GBGT1: variants seen among roughly 807,000 people sequenced by gnomAD.
The protein encoded by GBGT1 is globoside alpha-1,3-N-acetylgalactosaminyltransferase 1 (FORS blood group).
GBGT1 carries 18 observed loss-of-function variants against 20.9 expected under a neutral mutation model. The observed-to-expected ratio is 0.86, with a 90% CI of 0.60 to 1.28. The LOEUF is 1.28. GBGT1 is among the 50% of genes most tolerant of loss of function. The pLI is 0.00. For synonymous variants in GBGT1, 168 were observed against 180.8 expected, an observed-to-expected ratio of 0.93 and a Z score of 0.57; for missense variants, 432 against 455.7, an observed-to-expected ratio of 0.95 and a Z score of 0.47.
At chr9:133,158,966 T>C (rs1832954349) in intron 3 of GBGT1, among the ~76,000 whole-genome samples, 1 of 152,140 alleles carries the variant, frequency 6.6e-6, no homozygotes, top group South Asian at 2.1e-4. Context: ...ACTTTTTTTT[T>C]TCTTTTTTTA....
At position 133,154,162 on chromosome 9, in the gene GBGT1, G is replaced by T; in HGVS notation, c.459C>A (p.Ala153=). ...HYYIFTDNPA[A]VPGVPLGPHR... is the part of the protein sequence containing the mutation. ...GGGGACCCAGCGGGACCCCGGGAAC[G>T]GCTGCAGGGTTGTCAGTGAAGATGT... Residue 153 remains alanine, a synonymous_variant, in exon 7 of 7, where the codon GCC becomes GCA. Coordinates refer to ENST00000372040, the MANE Select transcript of GBGT1 (RefSeq NM_021996.6). This position sits in a 1 kb window ranked among gnomAD's most constrained non-coding sequence, Gnocchi z 4.2. 6.3e-7 allele frequency: 1 copy of T among 1,595,030 alleles called. No homozygotes were observed. The highest frequency in any genetic ancestry group is 8.6e-7 in the Non-Finnish European group (1 of 1,165,758).
In GBGT1 at chr9:133,161,534, T is replaced by G; in HGVS notation, c.72-2A>C. On this transcript the variant is annotated splice_acceptor_variant, in intron 2 of 6. Transcript: ENST00000372040. LOFTEE classifies it high-confidence loss of function. Reference sequence around the variant, plus strand: ...GGCAGCCAGTTCTCAAGATACACCCTGTGAATAAAAAAAAGAAAAAAAATC... The same window carrying G: ...GGCAGCCAGTTCTCAAGATACACCCGGTGAATAAAAAAAAGAAAAAAAATC... The G allele has an allele frequency of 6.2e-7, 1 of 1,600,892 alleles. No homozygotes were observed. The highest frequency in any genetic ancestry group is 8.5e-7 in the Non-Finnish European group (1 of 1,173,504).
In GBGT1 at chr9:133,161,384, A is replaced by T. The variant is rs1352527581; in HGVS notation, c.137+83T>A. On this transcript the variant is annotated intron_variant, in intron 3 of 6. Transcript: ENST00000372040. ...CTTAGGAATCAGGAACCGGCAGATG[A>T]AGTGAACTTAAATACTCTCCTGTCT... 4.1e-6 allele frequency: 3 copies of T among 736,854 alleles called. No homozygotes were observed. In the African/African-American group the frequency reaches 5.3e-5, roughly 13 times the overall value. The allele number at this position is 736,854 out of a possible 1,614,324, so 45.6% of individuals were successfully genotyped here.
In GBGT1 at chr9:133,155,205, A is replaced by G. The variant is rs138467094; in HGVS notation, c.332T>C (p.Ile111Thr). 802 of 1,613,748 alleles carry G rather than the reference A, an allele frequency of 5.0e-4. No individual in the cohort carries two copies. The highest frequency in any genetic ancestry group is 6.1e-4 in the Non-Finnish European group (719 of 1,179,838). ...QHIYQPLNLT[I>T]GVTVFAVGKY... ...CCCCACGGCAAACACCGTGACCCCA[A>G]TGGTCAGGTTCAGTGGCTGGTAGAT... Residue 111 changes from isoleucine to threonine, a missense_variant, in exon 6 of 7, where the codon ATT becomes ACT. By Grantham distance (89) the Ile-to-Thr change is moderately conservative. Transcript: ENST00000372040.
rs994781044 is a variant in GBGT1 at position 133,155,724 on chromosome 9, G to T, written c.224+177C>A. Among the ~76,000 whole-genome samples the T allele has an allele frequency of 2.0e-5, 3 of 152,218 alleles. No individual in the cohort carries two copies. In the South Asian group the frequency reaches 6.2e-4, roughly 32 times the overall value. On this transcript the variant is annotated intron_variant, in intron 5 of 6. Transcript: ENST00000372040. ...GAAAAAGCTCAGAGCAGTTGGGTAC[G>T]CTGCCCAGGGTCACACAGCCCAGGT...
At position 133,155,143 on chromosome 9, in the gene GBGT1, G is replaced by A. The variant is rs1021336894; in HGVS notation, c.359+35C>T. On this transcript the variant is annotated intron_variant, in intron 6 of 6. Transcript: ENST00000372040. ...CAACTATAAACTCCTGTGGCTCAGG[G>A]AGACCTCCCTCCCCTTCCCCAGCCC... 1.9e-6 allele frequency: 3 copies of A among 1,598,402 alleles called. No homozygotes were observed. In the South Asian group the frequency reaches 3.3e-5, roughly 18 times the overall value.
In GBGT1 at chr9:133,155,908, C is replaced by G. The variant is rs774404360; in HGVS notation, c.217G>C (p.Glu73Gln). ...WSQYPQPKLL[E>Q]HRPTQLLTLT... ...CCTCTCCATGACACCTACCTGTGCT[C>G]CAGCAGCTTGGGCTGAGGGTACTGT... The change falls in exon 5 of 7, where the codon GAG (glutamate) becomes CAG (glutamine). Residue 73 changes from glutamate to glutamine, a missense_variant. By Grantham distance (29) the Glu-to-Gln change is conservative. Transcript: ENST00000372040. The G allele has an allele frequency of 6.2e-6, 10 of 1,614,036 alleles. No homozygotes were observed. The highest frequency in any genetic ancestry group is 1.6e-4 in the Middle Eastern group (1 of 6,084).
rs772027876 is a variant in GBGT1, at chr9:133,153,948, C to A, written c.673G>T (p.Ala225Ser). ...GCGTAGTAGCTTGGGTGAATGGCAG[C>A]CACCAGGTCTCCCAAGGTCTCAGGG... ...WGPETLGDLV[A>S]AIHPSYYAVP... is the part of the protein sequence containing the mutation. Residue 225 changes from alanine to serine, a missense_variant, in exon 7 of 7, where the codon GCT becomes TCT. Coordinates refer to ENST00000372040, the MANE Select transcript of GBGT1 (RefSeq NM_021996.6). 1 of 1,610,762 alleles carries A rather than the reference C, an allele frequency of 6.2e-7. No homozygotes were observed. Among genetic ancestry groups the A allele is most frequent in the African/African-American group, 1.3e-5 (1 of 74,880 alleles).
chr9:133,158,750 T>C (rs1832947898), intron 3 of GBGT1, among the ~76,000 whole-genome samples: 2 of 152,182 alleles, frequency 1.3e-5, no homozygotes, highest in East Asian at 1.9e-4. Flanking sequence ...TACATTCACA[T>C]TGTCATGCAA....
intron 3 of GBGT1, 132 bp from the exon 4 acceptor site, chr9:133,156,197 C>T (rs1832865144): frequency 1.1e-6 from 1 of 894,492 alleles, no homozygotes; most frequent in Non-Finnish European, 1.8e-6. Flanking sequence ...CTGACCTTCC[C>T]CCACAGCCCC....
chr9:133,155,377 C>T, intron 5 of GBGT1, 65 bp from the exon 6 acceptor site: 2 of 1,596,992 alleles, frequency 1.3e-6, no homozygotes, highest in Non-Finnish European at 1.7e-6. Context: ...TCATCCCAGC[C>T]CTGGCTCTCA....
rs1832788715 is a variant in GBGT1 at position 133,153,916 on chromosome 9, G to C, written c.705C>G (p.Pro235=). The C allele has an allele frequency of 6.2e-7, 1 of 1,605,476 alleles. No individual in the cohort carries two copies. Among genetic ancestry groups the C allele is most frequent in the Non-Finnish European group, 8.5e-7 (1 of 1,173,090 alleles). Residue 235 remains proline (P), a synonymous_variant, in exon 7 of 7, where the codon CCC becomes CCG. Coordinates refer to ENST00000372040, the MANE Select transcript of GBGT1 (RefSeq NM_021996.6). ...AAIHPSYYAV[P]RQQFPYERRR... ...TGCGCTCATAGGGGAACTGCTGGCG[G>C]GGAACGGCGTAGTAGCTTGGGTGAA...
At position 133,155,107 on chromosome 9, in the gene GBGT1, T is replaced by C; in HGVS notation, c.359+71A>G. On this transcript the variant is annotated intron_variant, in intron 6 of 6. Transcript: ENST00000372040. ...CAGGGTCCTGTGTGCACGTCTGGTC[T>C]GGTCTCTTCCCAACTATAAACTCCT... 2.1e-6 allele frequency: 3 copies of C among 1,427,836 alleles called. No homozygotes were observed. The South Asian group carries it at 3.6e-5, about 17-fold the overall frequency. 88.4% of individuals were successfully genotyped at this position (1,427,836 alleles called of 1,614,324 possible). A position where few individuals can be genotyped will look rare whatever the true frequency, so the allele number is the denominator to read the frequency against.
At chr9:133,155,961 G>A (rs1310160480) in intron 4 of GBGT1, 25 bp from the exon 5 acceptor site, 1 of 1,614,036 alleles carries the variant, frequency 6.2e-7, no homozygotes, top group Non-Finnish European at 8.5e-7. Flanking sequence ...GACCAGTGAT[G>A]GAGGAGAGCC....
chr9:133,163,060 C>CT (rs1391893078), intron 1 of GBGT1: 2 of 153,230 alleles, frequency 1.3e-5, no homozygotes, highest in African/African-American at 4.8e-5. Context: ...AGGCGGATCC[C>CT]TGCCTTGGCT....
intron 3 of GBGT1, chr9:133,160,112 A>G: frequency 3.1e-6 from 1 of 326,718 alleles, no homozygotes; most frequent in Non-Finnish European, 6.3e-6. Flanking sequence ...CAACATGATG[A>G]AATGCTGTTT....
chr9:133,157,879 G>T (rs1832917705), intron 3 of GBGT1, among the ~76,000 whole-genome samples: 3 of 152,222 alleles, frequency 2.0e-5, no homozygotes, highest in Non-Finnish European at 4.4e-5. Context: ...GGGCGTGGTG[G>T]CTCATGCCTG....
chr9:133,159,347 C>T (rs1437399244), intron 3 of GBGT1, among the ~76,000 whole-genome samples: 2 of 152,204 alleles, frequency 1.3e-5, no homozygotes, highest in Non-Finnish European at 2.9e-5. Context: ...AAGCATGTTT[C>T]AGGGCCCTGC....
In GBGT1 at chr9:133,153,423, C is replaced by G. The variant is rs1046622255; in HGVS notation, c.*154G>C. 11 of 563,518 alleles carry G rather than the reference C, an allele frequency of 2.0e-5. No homozygotes were observed. Among genetic ancestry groups the G allele is most frequent in the Non-Finnish European group, 2.5e-5 (8 of 320,680 alleles). The allele number at this position is 563,518 out of a possible 1,614,324, so 34.9% of individuals were successfully genotyped here. The stretch of plus-strand genomic sequence containing the variant: ...ATCCTGTGTGCTACTGTGTGCACAG[C>G]CCTCTGCAGTTCACAGTGGCCTTTC... On this transcript the variant is annotated 3_prime_UTR_variant, in exon 7 of 7. Coordinates refer to ENST00000372040, the MANE Select transcript of GBGT1 (RefSeq NM_021996.6).
Sources: allele counts gnomAD v4.1 joint callset (sites outside exome capture counted in the v4.1 genomes callset), GRCh38; gene constraint gnomAD v4.1.1; non-coding constraint Gnocchi (gnomAD v3.1); transcripts MANE v1.5; gene names NCBI Gene and HGNC (gene_info 2026-07-23, HGNC 2026-07-21).